The following GATAD2B variants were observed in gnomAD, a reference collection of about 807,000 sequenced individuals.
GATAD2B encodes transcriptional repressor p66-beta.
GATAD2B carries 8 observed loss-of-function variants against 64.3 expected under a neutral mutation model. The ratio of observed to expected loss-of-function variants is 0.12; its 90% confidence interval spans 0.07 to 0.22. The LOEUF (loss-of-function observed/expected upper bound fraction) is 0.22. Ranked by LOEUF, GATAD2B falls within the 10% of genes least tolerant of loss-of-function variation. The pLI is 1.00. For missense variants in GATAD2B, 453 were observed against 752.0 expected (o/e 0.60, Z 4.65); for synonymous variants, 281 against 271.3 (o/e 1.04, Z -0.35).
intron 1 of GATAD2B, among the ~76,000 whole-genome samples, chr1:153,889,896 G>A (rs976507722): frequency 1.3e-5 from 2 of 152,084 alleles, no homozygotes; most frequent in Admixed American, 6.6e-5. Context: ...GAGGCCAGTG[G>A]GGCGCGGTGG....
At chr1:153,824,612 TAAA>T (rs771879855) in intron 2 of GATAD2B, among the ~76,000 whole-genome samples, 5 of 96,662 alleles carry the variant, frequency 5.2e-5, no homozygotes, top group East Asian at 2.9e-4. Flanking sequence ...ACTCTGCCTT[TAAA>T]AAAAAAAAAA....
chr1:153,814,339 T>C (rs1674384311), intron 7 of GATAD2B, among the ~76,000 whole-genome samples: 1 of 152,244 alleles, frequency 6.6e-6, no homozygotes, highest in Non-Finnish European at 1.5e-5. Flanking sequence ...TACTCTATAG[T>C]ATGGTTTAGT....
chr1:153,818,459 C>T (rs1035087103), intron 4 of GATAD2B, among the ~76,000 whole-genome samples: 8 of 151,856 alleles, frequency 5.3e-5, no homozygotes, highest in Admixed American at 3.9e-4. Context: ...GGACTACAGG[C>T]GCCCGCCACC....
chr1:153,861,314 G>A (rs948246395), intron 1 of GATAD2B, among the ~76,000 whole-genome samples: 2 of 151,878 alleles, frequency 1.3e-5, no homozygotes, highest in Admixed American at 1.3e-4. Flanking sequence ...CACTCTGGAA[G>A]GCCAACGCAG....
chr1:153,869,379 G>C (rs768096186), intron 1 of GATAD2B, among the ~76,000 whole-genome samples: 1 of 150,870 alleles, frequency 6.6e-6, no homozygotes, highest in South Asian at 2.1e-4. Flanking sequence ...TTATCAACTT[G>C]AGTTTCACTG....
intron 9 of GATAD2B, 45 bp from the exon 10 acceptor site, chr1:153,811,893 A>C: frequency 7.2e-7 from 1 of 1,396,770 alleles, no homozygotes. Flanking sequence ...ATATGATAGA[A>C]TGTTAAGCGG....
chr1:153,848,981 C>A (rs528558376), intron 1 of GATAD2B, among the ~76,000 whole-genome samples: 1 of 151,608 alleles, frequency 6.6e-6, no homozygotes, highest in African/African-American at 2.4e-5. Context: ...AAACCCCCCC[C>A]CTCCCCCAGA....
Position 153,897,998 on chromosome 1 carries a change from A to C in GATAD2B, c.-2+24735T>G, listed in dbSNP as rs1251856910. Among the ~76,000 whole-genome samples, 29 of 137,592 alleles carry C rather than the reference A, an allele frequency of 2.1e-4. No homozygotes were observed. In the East Asian group the frequency reaches 2.6e-3, roughly 12 times the overall value. The allele number at this position is 137,592 out of a possible 152,430, so 90.3% of individuals were successfully genotyped here. On this transcript the variant is annotated intron_variant, in intron 1 of 10. Transcript: ENST00000368655. ...CTGTCTCAAAAAACAAACAGAAAAA[A>C]AAAAACAAAAAAAAAAAAACCCAGG... is the stretch of plus-strand genomic sequence containing the variant.
At chr1:153,828,522 C>T (rs866698277) in intron 1 of GATAD2B, among the ~76,000 whole-genome samples, 174 bp from the exon 2 acceptor site, 1 of 151,594 alleles carries the variant, frequency 6.6e-6, no homozygotes, top group Non-Finnish European at 1.5e-5. Flanking sequence ...CTATGTCCTA[C>T]CTGATATTGT....
At chr1:153,907,463 C>G (rs905746190) in intron 1 of GATAD2B, among the ~76,000 whole-genome samples, 2 of 152,044 alleles carry the variant, frequency 1.3e-5, no homozygotes, top group Non-Finnish European at 2.9e-5. Context: ...TTTATAGAAA[C>G]AAAGTAGAAT....
chr1:153,810,452 T>C (rs1032604105), intron 10 of GATAD2B, 142 bp from the exon 11 acceptor site: 12 of 769,218 alleles, frequency 1.6e-5, no homozygotes, highest in Middle Eastern at 3.5e-4. Context: ...TAGCTTTATT[T>C]CAACAGCAAC....
At chr1:153,878,221 T>C (rs146842052) in intron 1 of GATAD2B, among the ~76,000 whole-genome samples, 372 of 150,902 alleles carry the variant, frequency 2.5e-3, no homozygotes, top group Non-Finnish European at 4.3e-3. Context: ...CAGGCTAGAG[T>C]GCAGTGGTGC....
chr1:153,901,412 C>T (rs983784183), intron 1 of GATAD2B, among the ~76,000 whole-genome samples: 8 of 151,860 alleles, frequency 5.3e-5, no homozygotes, highest in Non-Finnish European at 1.5e-5. Context: ...ACTTTAATAA[C>T]GAGAGTGATG....
chr1:153,873,195 T>C (rs1676723778), intron 1 of GATAD2B, among the ~76,000 whole-genome samples: 1 of 152,148 alleles, frequency 6.6e-6, no homozygotes, highest in African/African-American at 2.4e-5. Flanking sequence ...TTCTCTAGGA[T>C]TCCACAGACT....
At chr1:153,833,734 T>G (rs1407103440) in intron 1 of GATAD2B, among the ~76,000 whole-genome samples, 2 of 132,674 alleles carry the variant, frequency 1.5e-5, no homozygotes, top group East Asian at 4.5e-4. Context: ...AGCCTGAACC[T>G]GGGAGGGGGA....
At chr1:153,900,644 A>G (rs959853855) in intron 1 of GATAD2B, among the ~76,000 whole-genome samples, 29 of 152,114 alleles carry the variant, frequency 1.9e-4, no homozygotes, top group African/African-American at 7.0e-4. Context: ...GCCTCTCCCA[A>G]GTAGTTGCAA....
chr1:153,895,828 T>G (rs1053814246), intron 1 of GATAD2B, among the ~76,000 whole-genome samples: 2 of 151,918 alleles, frequency 1.3e-5, no homozygotes, highest in Non-Finnish European at 2.9e-5. Flanking sequence ...CATTGAGACT[T>G]TTATACCTCT....
At chr1:153,855,315 G>A (rs1303446053) in intron 1 of GATAD2B, among the ~76,000 whole-genome samples, 1 of 151,190 alleles carries the variant, frequency 6.6e-6, no homozygotes, top group Non-Finnish European at 1.5e-5. Flanking sequence ...TGTAACTTCT[G>A]CCTCCTGGGC....
At chr1:153,888,517 T>A (rs939773290) in intron 1 of GATAD2B, among the ~76,000 whole-genome samples, 3 of 152,228 alleles carry the variant, frequency 2.0e-5, no homozygotes, top group South Asian at 4.1e-4. Flanking sequence ...TTCACTCCGA[T>A]CTGTACCTTC....
Sources: allele counts gnomAD v4.1 joint callset (sites outside exome capture counted in the v4.1 genomes callset), GRCh38; gene constraint gnomAD v4.1.1; transcripts MANE v1.5; gene names NCBI Gene and HGNC (gene_info 2026-07-23, HGNC 2026-07-21).